The following NLRP7 variants were observed in gnomAD, a reference collection of about 807,000 sequenced individuals.
NLRP7 encodes the protein NACHT, LRR and PYD domains-containing protein 7.
Under a neutral mutation model 85.5 loss-of-function variants are expected in NLRP7, and 72 were observed. The observed-to-expected ratio is 0.84, with a 90% CI of 0.70 to 1.02. The LOEUF (loss-of-function observed/expected upper bound fraction) is 1.02. Among genes scored for constraint, NLRP7 ranks in the 50% least tolerant of loss-of-function variants. The pLI, the probability that NLRP7 is intolerant of heterozygous loss-of-function variation, is 0.00. For synonymous variants in NLRP7, 550 were observed against 505.2 expected (o/e 1.09, Z -1.19); for missense variants, 1,243 against 1,219.5 (o/e 1.02, Z -0.29).
chr19:54,938,940 C>T (rs201120887), exon 4 of NLRP7: 35 of 1,613,990 alleles, frequency 2.2e-5, no homozygotes, highest in Non-Finnish European at 3.0e-5. Flanking sequence ...AGGAACACCC[C>T]CTTTGCTACC....
At chr19:54,931,075 T>TAGGA (rs2068657559) in intron 8 of NLRP7, among the ~76,000 whole-genome samples, 2 of 152,088 alleles carry the variant, frequency 1.3e-5, no homozygotes, top group Non-Finnish European at 2.9e-5. Flanking sequence ...AGGTGGCAGG[T>TAGGA]AGGAATTGAC....
chr19:54,935,821 T>G (rs2068895868), intron 6 of NLRP7, among the ~76,000 whole-genome samples: 2 of 152,104 alleles, frequency 1.3e-5, no homozygotes, highest in Non-Finnish European at 2.9e-5. Context: ...GCGAGGATCA[T>G]GCACTCCATA....
rs1602140415 is a variant in NLRP7 at position 54,934,144 on chromosome 19, T to C, written c.2471+345A>G. Among the ~76,000 whole-genome samples, 1 of 152,188 alleles carries C rather than the reference T, an allele frequency of 6.6e-6. No homozygotes were observed. Among genetic ancestry groups the C allele is most frequent in the Non-Finnish European group, 1.5e-5 (1 of 68,030 alleles). On this transcript the variant is annotated intron_variant, in intron 7 of 9. Transcript: ENST00000340844. The surrounding 1 kb of genome is among the most constrained non-coding windows in gnomAD (Gnocchi z 6.7). ...TTTTAGTAGAGACGGGGTTTCACCA[T>C]GTTAGCCAGGATGGTCTCGATCTCT...
In NLRP7 at chr19:54,960,343, ACGGG is replaced by A. The variant is rs1443175950; in HGVS notation, c.-77+5693_-77+5696del. On this transcript the variant is annotated intron_variant, in intron 1 of 2. Coordinates refer to the NLRP7 transcript ENST00000587103. ...GCTAACTTTTGTATTTTTAGTAGAGACGGGATTTCACCATGTTGGCCAGGCTAGT... is the reference window on the plus strand; with the variant it reads ...GCTAACTTTTGTATTTTTAGTAGAGAATTTCACCATGTTGGCCAGGCTAGT... Among the ~76,000 whole-genome samples, 2 of 151,590 alleles carry A rather than the reference ACGGG, an allele frequency of 1.3e-5. 1 individual carries two copies. Among genetic ancestry groups the A allele is most frequent in the Non-Finnish European group, 2.9e-5 (2 of 67,884 alleles).
At chr19:54,964,223 T>G (rs750113654) in intron 1 of NLRP7, among the ~76,000 whole-genome samples, 11,786 of 128,322 alleles carry the variant, frequency 0.092, 738 homozygotes, top group Non-Finnish European at 0.13. Context: ...TTTTTTTTTT[T>G]TTTTTTTTTT....
intron 1 of NLRP7, among the ~76,000 whole-genome samples, chr19:54,954,528 CAAAAAAAAA>C (rs35846819): frequency 2.1e-5 from 1 of 47,532 alleles, no homozygotes; most frequent in Non-Finnish European, 4.1e-5. Context: ...GACTCCGTCT[CAAAAAAAAA>C]AAAAAAAAAA....
rs1284989933 is a variant in NLRP7 at position 54,933,625 on chromosome 19, C to T, written c.2586G>A (p.Gly862=). Residue 862 remains glycine (G), a synonymous_variant, in exon 8 of 10, where the codon GGG becomes GGA. Transcript: ENST00000340844. Reference sequence around the variant, plus strand: ...TCAAGCCCTCACACAGAAACTTCACCCCTGTATCCCCAATGGGGTTCTTGG... The same window carrying T: ...TCAAGCCCTCACACAGAAACTTCACTCCTGTATCCCCAATGGGGTTCTTGG... 11 of 1,614,084 alleles carry T rather than the reference C, an allele frequency of 6.8e-6. No homozygotes were observed. The African/African-American group carries it at 1.3e-4, about 20-fold the overall frequency.
intron 4 of NLRP7, 132 bp from the exon 5 acceptor site, chr19:54,938,373 A>C: frequency 2.7e-6 from 2 of 734,130 alleles, no homozygotes; most frequent in Non-Finnish European, 4.9e-6. Flanking sequence ...ATAGTAAACA[A>C]TATTGCATCA....
intron 9 of NLRP7, among the ~76,000 whole-genome samples, chr19:54,924,415 C>T (rs1370111390): frequency 6.6e-6 from 1 of 151,690 alleles, no homozygotes; most frequent in African/African-American, 2.4e-5. Context: ...TTGAGCTCCG[C>T]AGTTCAAGGC....
In NLRP7 at chr19:54,953,552, G is replaced by A. The variant is rs909791538; in HGVS notation, c.-76-6047C>T. 2.0e-5 allele frequency among the ~76,000 whole-genome samples: 3 copies of A among 148,908 alleles called. No individual in the cohort carries two copies. The East Asian group carries it at 5.8e-4, about 29-fold the overall frequency. ...TGTCTGCTTGTGGATTTCATTCCTGGGCCGCGGGGCTGTCTGCTTGTGGAT... is the reference window on the plus strand; with the variant it reads ...TGTCTGCTTGTGGATTTCATTCCTGAGCCGCGGGGCTGTCTGCTTGTGGAT... On this transcript the variant is annotated intron_variant, in intron 1 of 2. Coordinates refer to the NLRP7 transcript ENST00000587103.
intron 6 of NLRP7, 48 bp downstream of exon 6, chr19:54,936,213 G>A: frequency 6.5e-7 from 1 of 1,538,342 alleles, no homozygotes; most frequent in Non-Finnish European, 9.0e-7. Context: ...CAGCAACACG[G>A]TGCAGTGGAC....
chr19:54,943,578 G>A (rs2069334767), intron 1 of NLRP7, among the ~76,000 whole-genome samples: 1 of 148,768 alleles, frequency 6.7e-6, no homozygotes, highest in African/African-American at 2.5e-5. Flanking sequence ...TCCAGCCTGG[G>A]CGACAGAGCG....
At chr19:54,941,062 A>G in intron 2 of NLRP7, 57 bp from the exon 3 acceptor site, 1 of 1,252,468 alleles carries the variant, frequency 8.0e-7, no homozygotes, top group South Asian at 1.2e-5. Context: ...TAAATCAGAC[A>G]TTATTGTACA....
rs368151368 is a variant in NLRP7 at position 54,933,769 on chromosome 19, G to A, written c.2472-30C>T. 6 of 1,595,696 alleles carry A rather than the reference G, an allele frequency of 3.8e-6. No individual in the cohort carries two copies. The African/African-American group carries it at 5.4e-5, about 14-fold the overall frequency. On this transcript the variant is annotated intron_variant, in intron 7 of 9. Transcript: ENST00000340844. ...AAAAATATGAAACAAATGGTAGAAG[G>A]ATGAGAACATTTCCACAACTCCAAC...
Position 54,962,884 on chromosome 19 carries a change from G to C in NLRP7, c.-77+3156C>G, listed in dbSNP as rs185927106. Among the ~76,000 whole-genome samples, 207 of 151,942 alleles carry C rather than the reference G, an allele frequency of 1.4e-3. 5 individuals carry two copies. The highest frequency in any genetic ancestry group is 0.01 in the East Asian group (54 of 5,158). ...AAAGTGCTGGGATTACAGGCGTGAG[G>C]CACCACACTGGGCCCCCTCACTTTC... On this transcript the variant is annotated intron_variant, in intron 1 of 2. Transcript: ENST00000587103.
At chr19:54,955,939 C>G (rs2069836107) in intron 1 of NLRP7, among the ~76,000 whole-genome samples, 1 of 151,990 alleles carries the variant, frequency 6.6e-6, no homozygotes, top group African/African-American at 2.4e-5. Flanking sequence ...TGCACTCCAG[C>G]CTGGATGACA....
chr19:54,948,605 C>G (rs1465665754), upstream of NLRP7, among the ~76,000 whole-genome samples: 2 of 151,912 alleles, frequency 1.3e-5, no homozygotes, highest in Non-Finnish European at 2.9e-5. Context: ...GAGTCTTGCT[C>G]TGTGGCCCAG....
Position 54,940,991 on chromosome 19 carries a change from G to A in NLRP7, c.292C>T (p.Gln98Ter). ...CCCAGCTCAGGATTATCTATTTCTT[G>A]CACCTGTCCGTCCTCTGTAAAATAC... Residue 98 changes from glutamine (Q) to a stop codon, truncating the protein, a stop_gained, in exon 3 of 10, where the codon CAA becomes TAA. Transcript: ENST00000340844. LOFTEE classifies it high-confidence loss of function. 5 of 1,610,582 alleles carry A rather than the reference G, an allele frequency of 3.1e-6. No homozygotes were observed. The highest frequency in any genetic ancestry group is 4.2e-6 in the Non-Finnish European group (5 of 1,176,936).
chr19:54,946,328 C>T (rs1331865262), intron 1 of NLRP7, among the ~76,000 whole-genome samples: 1 of 151,222 alleles, frequency 6.6e-6, no homozygotes, highest in Admixed American at 6.6e-5. Flanking sequence ...TCTCCTGCCT[C>T]AGCCTCCCGA....
Sources: allele counts gnomAD v4.1 joint callset (sites outside exome capture counted in the v4.1 genomes callset), GRCh38; gene constraint gnomAD v4.1.1; non-coding constraint Gnocchi (gnomAD v3.1); transcripts MANE v1.5; gene names NCBI Gene and HGNC (gene_info 2026-07-23, HGNC 2026-07-21).